ATG5: variants seen among roughly 807,000 people sequenced by gnomAD.
The protein encoded by ATG5 is autophagy related 5.
Under a neutral mutation model 36.5 loss-of-function variants are expected in ATG5, and 14 were observed. That is an observed-to-expected ratio of 0.38 (90% confidence interval 0.25 to 0.60). ATG5 has a LOEUF of 0.60. ATG5 is among the 20% of genes least tolerant of loss of function. The pLI, the probability that ATG5 is intolerant of heterozygous loss-of-function variation, is 0.60. For synonymous variants in ATG5, 95 were observed against 101.5 expected, an observed-to-expected ratio of 0.94 and a Z score of 0.38; for missense variants, 195 against 326.7, an observed-to-expected ratio of 0.60 and a Z score of 3.11.
chr6:106,258,421 A>T (rs1169345654), intron 5 of ATG5, among the ~76,000 whole-genome samples: 4 of 152,158 alleles, frequency 2.6e-5, no homozygotes, highest in Non-Finnish European at 1.5e-5. Context: ...AAACAATACT[A>T]GAGTGAGAAA....
chr6:106,250,872 C>T (rs941938466), intron 5 of ATG5, among the ~76,000 whole-genome samples: 1 of 152,202 alleles, frequency 6.6e-6, no homozygotes, highest in African/African-American at 2.4e-5. Context: ...ATATATGCAT[C>T]GCTATATGGT....
Position 106,202,103 on chromosome 6 carries a change from G to GA in ATG5, c.574-15dup, listed in dbSNP as rs1776453929. 10 of 1,597,520 alleles carry GA rather than the reference G, an allele frequency of 6.3e-6. No individual in the cohort carries two copies. Among genetic ancestry groups the GA allele is most frequent in the Non-Finnish European group, 8.6e-6 (10 of 1,168,524 alleles). ...TTCAGTCGTTGTCTATTTGAAAAAG[G>GA]AAAAAATGATTCAAGCAATTAAGTC... On this transcript the variant is annotated splice_polypyrimidine_tract_variant and intron_variant, in intron 6 of 7. Transcript: ENST00000369076.
At chr6:106,260,051 T>C (rs2076309220) in intron 5 of ATG5, among the ~76,000 whole-genome samples, 1 of 152,162 alleles carries the variant, frequency 6.6e-6, no homozygotes, top group Middle Eastern at 3.4e-3. Flanking sequence ...AGGGGGGAAC[T>C]GAAAAATCAG....
At chr6:106,292,026 C>T (rs1040501366) in intron 4 of ATG5, among the ~76,000 whole-genome samples, 1 of 152,104 alleles carries the variant, frequency 6.6e-6, no homozygotes, top group Non-Finnish European at 1.5e-5. Flanking sequence ...ATGGACACCC[C>T]GATGGGAAAG....
chr6:106,261,544 T>C (rs1266988998), intron 5 of ATG5, among the ~76,000 whole-genome samples: 1 of 152,212 alleles, frequency 6.6e-6, no homozygotes, highest in Non-Finnish European at 1.5e-5. Flanking sequence ...ACAGCTGTTG[T>C]GATGGCAGTG....
intron 5 of ATG5, among the ~76,000 whole-genome samples, chr6:106,260,404 G>C (rs1395617644): frequency 6.6e-6 from 1 of 152,176 alleles, no homozygotes; most frequent in East Asian, 1.9e-4. Flanking sequence ...ACGGGAAAGA[G>C]AGAAATACAC....
intron 2 of ATG5, among the ~76,000 whole-genome samples, chr6:106,312,546 G>GA (rs973680476): frequency 4.0e-5 from 6 of 150,356 alleles, no homozygotes; most frequent in Non-Finnish European, 7.4e-5. Flanking sequence ...AAAGTGAAGT[G>GA]AAAAAAAAGA....
chr6:106,275,143 A>G (rs974838312), intron 5 of ATG5, among the ~76,000 whole-genome samples: 1 of 152,264 alleles, frequency 6.6e-6, no homozygotes, highest in Non-Finnish European at 1.5e-5. Flanking sequence ...AACTGAGATG[A>G]GCATTAAAGC....
In ATG5 at chr6:106,226,257, C is replaced by T. The variant is rs555118166; in HGVS notation, c.573+21893G>A. 6.6e-5 allele frequency among the ~76,000 whole-genome samples: 10 copies of T among 152,204 alleles called. No individual in the cohort carries two copies. In the South Asian group the frequency reaches 1.9e-3, roughly 28 times the overall value. On this transcript the variant is annotated intron_variant, in intron 6 of 7. Transcript: ENST00000369076. The stretch of plus-strand genomic sequence containing the variant: ...GGCCTGTGTGATAAAAAATAAAAAC[C>T]TGAAAGAATTAGTTCAGGAAAGAAA...
At chr6:106,237,759 C>G (rs78080013) in intron 6 of ATG5, among the ~76,000 whole-genome samples, 1 of 152,130 alleles carries the variant, frequency 6.6e-6, no homozygotes, top group African/African-American at 2.4e-5. Flanking sequence ...CATCATATTA[C>G]GAGCCCCAAA....
At chr6:106,198,377 T>C (rs1335039826) in intron 7 of ATG5, among the ~76,000 whole-genome samples, 2 of 152,206 alleles carry the variant, frequency 1.3e-5, no homozygotes, top group Non-Finnish European at 2.9e-5. Context: ...GTAAATGTAT[T>C]GCCTATAAGA....
At chr6:106,218,108 T>C (rs542845945) in intron 6 of ATG5, among the ~76,000 whole-genome samples, 7 of 152,284 alleles carry the variant, frequency 4.6e-5, no homozygotes, top group African/African-American at 1.7e-4. Flanking sequence ...GGTAAGGGGT[T>C]GAGTAAGGAG....
chr6:106,233,838 C>T (rs375665956), intron 6 of ATG5, among the ~76,000 whole-genome samples: 182 of 152,162 alleles, frequency 1.2e-3, no homozygotes, highest in African/African-American at 4.3e-3. Context: ...GCACCCCCTC[C>T]ATGCTGCTGT....
intron 7 of ATG5, among the ~76,000 whole-genome samples, chr6:106,189,700 C>T (rs6920944): frequency 0.11 from 16,912 of 150,702 alleles, 1,024 homozygotes; most frequent in South Asian, 0.16. Context: ...AAGGAAACAC[C>T]TGATACTGTT....
intron 7 of ATG5, among the ~76,000 whole-genome samples, chr6:106,193,648 CATAA>C (rs1363661867): frequency 1.3e-5 from 2 of 152,118 alleles, no homozygotes; most frequent in African/African-American, 4.8e-5. Context: ...TTAATAAATA[CATAA>C]ATAAACTTTG....
chr6:106,200,715 C>T (rs1776394225), intron 7 of ATG5, among the ~76,000 whole-genome samples: 3 of 152,132 alleles, frequency 2.0e-5, no homozygotes, highest in South Asian at 4.1e-4. Flanking sequence ...CTCCTGACCT[C>T]GTGATCCACC....
chr6:106,295,121 T>C (rs1780492742), intron 3 of ATG5, among the ~76,000 whole-genome samples: 6 of 152,040 alleles, frequency 3.9e-5, no homozygotes. Flanking sequence ...ATAGATTTAA[T>C]CCAATTCTGA....
At chr6:106,308,546 AT>A in intron 2 of ATG5, 55 bp from the exon 3 acceptor site, 1 of 1,331,310 alleles carries the variant, frequency 7.5e-7, no homozygotes, top group South Asian at 1.6e-5. Flanking sequence ...TTTTTAAAAA[AT>A]ACTAAGTAGG....
chr6:106,194,528 C>CTTTTGT (rs1236884968), intron 7 of ATG5, among the ~76,000 whole-genome samples: 3 of 151,054 alleles, frequency 2.0e-5, no homozygotes, highest in African/African-American at 4.9e-5. Flanking sequence ...ACCATTTTTT[C>CTTTTGT]TTTTCTTTTT....
Sources: gnomAD v4.1 joint callset for allele counts (sites outside exome capture counted in the v4.1 genomes callset) on GRCh38, gnomAD v4.1.1 for gene constraint, MANE v1.5 for transcripts, NCBI Gene and HGNC (gene_info 2026-07-23, HGNC 2026-07-21) for gene names.